TLN2: variants seen among roughly 807,000 people sequenced by gnomAD.
TLN2 encodes the protein talin-2.
TLN2 carries 118 observed loss-of-function variants against 294.7 expected under a neutral mutation model. The ratio of observed to expected loss-of-function variants is 0.40; its 90% CI spans 0.34 to 0.47. The LOEUF is 0.47. Ranked by LOEUF, TLN2 falls within the 20% of genes least tolerant of loss-of-function variation. TLN2 has a pLI of 0.84. For missense variants in TLN2, 3,083 were observed against 3,282.2 expected, an observed-to-expected ratio of 0.94 and a Z score of 1.48; for synonymous variants, 1,431 against 1,304.5, an observed-to-expected ratio of 1.10 and a Z score of -2.09.
At chr15:62,640,638 A>C (rs113104058) in intron 3 of TLN2, among the ~76,000 whole-genome samples, 2 of 152,252 alleles carry the variant, frequency 1.3e-5, no homozygotes, top group African/African-American at 4.8e-5. Context: ...GGGGGAACCT[A>C]AGTGACCTCC....
At chr15:62,792,035 C>A (rs570022495) in intron 45 of TLN2, among the ~76,000 whole-genome samples, 1 of 152,156 alleles carries the variant, frequency 6.6e-6, no homozygotes, top group South Asian at 2.1e-4. Flanking sequence ...TTAAAGGAAA[C>A]CTCAAACCTG....
intron 57 of TLN2, among the ~76,000 whole-genome samples, chr15:62,837,085 G>T (rs989043887): frequency 6.6e-6 from 1 of 152,178 alleles, no homozygotes; most frequent in Non-Finnish European, 1.5e-5. Flanking sequence ...TAGATTGTCT[G>T]TATTGCTAAA....
At chr15:62,828,852 G>GAAAC (rs1169371315) in intron 54 of TLN2, 1 of 152,194 alleles carries the variant, frequency 6.6e-6, no homozygotes, top group African/African-American at 2.4e-5. Flanking sequence ...TTGTGCTAGA[G>GAAAC]AAACATAGGT....
At chr15:62,467,119 G>A (rs1253568569) in intron 1 of TLN2, among the ~76,000 whole-genome samples, 1 of 152,194 alleles carries the variant, frequency 6.6e-6, no homozygotes, top group Non-Finnish European at 1.5e-5. Context: ...ATGGCTGTGG[G>A]TGCCTGTGAA....
At chr15:62,601,657 T>C (rs2047016651) in intron 2 of TLN2, among the ~76,000 whole-genome samples, 1 of 152,192 alleles carries the variant, frequency 6.6e-6, no homozygotes, top group Non-Finnish European at 1.5e-5. Context: ...AATTCTATCA[T>C]TCCTACCTTG....
intron 1 of TLN2, among the ~76,000 whole-genome samples, chr15:62,461,529 G>A (rs1219094280): frequency 6.6e-6 from 1 of 152,202 alleles, no homozygotes; most frequent in Non-Finnish European, 1.5e-5. Flanking sequence ...CCTAGACGTA[G>A]TATTTAGATG....
At chr15:62,518,344 T>C (rs2040287050) in intron 1 of TLN2, among the ~76,000 whole-genome samples, 1 of 152,114 alleles carries the variant, frequency 6.6e-6, no homozygotes. Flanking sequence ...CATTTCTTTA[T>C]AGTTATTTGT....
intron 1 of TLN2, among the ~76,000 whole-genome samples, chr15:62,556,305 C>G (rs959291860): frequency 2.8e-5 from 4 of 145,200 alleles, no homozygotes; most frequent in Admixed American, 6.9e-5. Flanking sequence ...TTTCTCTTCT[C>G]TTCTCTTTTT....
At chr15:62,447,342 A>C (rs964709570) in intron 1 of TLN2, among the ~76,000 whole-genome samples, 1 of 152,178 alleles carries the variant, frequency 6.6e-6, no homozygotes, top group African/African-American at 2.4e-5. Flanking sequence ...GGTGGGTTGC[A>C]CAGTGGGAGA....
At chr15:62,701,841 G>A (rs1159192718) in intron 17 of TLN2, 151 bp from the exon 18 acceptor site, 3 of 836,126 alleles carry the variant, frequency 3.6e-6, no homozygotes, top group African/African-American at 3.4e-5. Flanking sequence ...CTCGGAGACA[G>A]GGAGCAGGCC....
intron 2 of TLN2, among the ~76,000 whole-genome samples, chr15:62,600,575 C>G (rs554193755): frequency 6.6e-6 from 1 of 152,270 alleles, no homozygotes; most frequent in East Asian, 1.9e-4. Context: ...TTCCTATATT[C>G]CCTCCCACGG....
chr15:62,708,549 T>A lies in TLN2; in HGVS notation c.2220T>A (p.Ile740=). Residue 740 remains isoleucine (I), a synonymous_variant, in exon 21 of 59, where the codon ATT becomes ATA. Coordinates refer to ENST00000636159, the MANE Select transcript of TLN2 (RefSeq NM_015059.3). ...CCCCTGTGTGCCAGGAGCAGCTGAT[T>A]GAAGCAGGGAAGCTGGTGGACCGCT... ...ISSPVCQEQL[I]EAGKLVDRSV... The A allele has an allele frequency of 1.2e-6, 2 of 1,614,044 alleles. No individual in the cohort carries two copies. The highest frequency in any genetic ancestry group is 1.7e-6 in the Non-Finnish European group (2 of 1,179,980).
At position 62,824,086 on chromosome 15, in the gene TLN2, G is replaced by C. The variant is rs773496903; in HGVS notation, c.7002+3476G>C. On this transcript the variant is annotated intron_variant, in intron 54 of 58. Coordinates refer to ENST00000636159, the MANE Select transcript of TLN2 (RefSeq NM_015059.3). Reference sequence around the variant, plus strand: ...ATAAAGTTTATAAGGCAACAGGAAAGAACACGTTAAAATCACAAGTAGATT... The same window carrying C: ...ATAAAGTTTATAAGGCAACAGGAAACAACACGTTAAAATCACAAGTAGATT... 6.7e-6 allele frequency: 3 copies of C among 449,532 alleles called. No homozygotes were observed. In the Admixed American group the frequency reaches 7.9e-5, roughly 12 times the overall value. 27.8% of individuals were successfully genotyped at this position (449,532 alleles called of 1,614,324 possible).
At chr15:62,696,829 C>T (rs577358262) in intron 14 of TLN2, among the ~76,000 whole-genome samples, 7 of 152,170 alleles carry the variant, frequency 4.6e-5, no homozygotes, top group Admixed American at 2.0e-4. Flanking sequence ...GCTCTAGAGG[C>T]GATGAAACAT....
chr15:62,554,431 A>G (rs2042493702), intron 1 of TLN2, among the ~76,000 whole-genome samples: 1 of 151,198 alleles, frequency 6.6e-6, no homozygotes, highest in Non-Finnish European at 1.5e-5. Context: ...TGTAGTTTTA[A>G]CTTAAGATGA....
intron 1 of TLN2, among the ~76,000 whole-genome samples, chr15:62,424,744 C>G (rs1447004733): frequency 6.6e-6 from 1 of 152,062 alleles, no homozygotes; most frequent in African/African-American, 2.4e-5. Context: ...TCTCTGCCTC[C>G]CTGGTTCAAG....
At chr15:62,719,326 G>T (rs531705289) in intron 24 of TLN2, among the ~76,000 whole-genome samples, 6 of 152,204 alleles carry the variant, frequency 3.9e-5, no homozygotes, top group South Asian at 2.1e-4. Context: ...TGCCTGCAAA[G>T]TAAGAAGCCA....
At chr15:62,795,525 C>G (rs2065413470) in intron 46 of TLN2, among the ~76,000 whole-genome samples, 1 of 151,972 alleles carries the variant, frequency 6.6e-6, no homozygotes, top group South Asian at 2.1e-4. Flanking sequence ...AATGATGGTT[C>G]GGGGGTGGAT....
chr15:62,519,932 GACTC>G (rs1042843350), intron 1 of TLN2, among the ~76,000 whole-genome samples: 1 of 152,206 alleles, frequency 6.6e-6, no homozygotes, highest in African/African-American at 2.4e-5. Flanking sequence ...AGGTTTAGTG[GACTC>G]ACAGTTCCAT....
Sources: allele counts gnomAD v4.1 joint callset (sites outside exome capture counted in the v4.1 genomes callset), GRCh38; gene constraint gnomAD v4.1.1; transcripts MANE v1.5; gene names NCBI Gene and HGNC (gene_info 2026-07-23, HGNC 2026-07-21).